The following PRDM16 variants were observed in gnomAD, a reference collection of about 807,000 sequenced individuals.
The protein encoded by PRDM16 is histone-lysine N-methyltransferase PRDM16.
In PRDM16, 23 loss-of-function variants were observed where a neutral mutation model predicts 110.6. The observed-to-expected ratio is 0.21, with a 90% CI of 0.15 to 0.29. PRDM16 has a LOEUF of 0.29. PRDM16 is among the 10% of genes least tolerant of loss of function. PRDM16 has a pLI of 1.00. For synonymous variants in PRDM16, 799 were observed against 781.8 expected, an observed-to-expected ratio of 1.02 and a Z score of -0.37; for missense variants, 1,615 against 1,794.3, an observed-to-expected ratio of 0.90 and a Z score of 1.81.
At chr1:3,293,072 C>T (rs759141683) in intron 3 of PRDM16, among the ~76,000 whole-genome samples, 1 of 152,244 alleles carries the variant, frequency 6.6e-6, no homozygotes, top group African/African-American at 2.4e-5. Flanking sequence ...ACAGGGACAT[C>T]GCCCATGAGG....
chr1:3,258,978 T>C (rs1008084274), intron 3 of PRDM16, among the ~76,000 whole-genome samples: 2 of 152,174 alleles, frequency 1.3e-5, no homozygotes, highest in African/African-American at 4.8e-5. Flanking sequence ...GGAGGACTTT[T>C]GAATAGATTT....
intron 3 of PRDM16, among the ~76,000 whole-genome samples, chr1:3,268,224 G>A (rs1640342879): frequency 6.6e-6 from 1 of 152,220 alleles, no homozygotes; most frequent in Admixed American, 6.5e-5. Flanking sequence ...GTCAGACCAG[G>A]TGCGCGTGGA....
chr1:3,225,999 T>G (rs555356840), intron 2 of PRDM16, among the ~76,000 whole-genome samples: 60 of 152,356 alleles, frequency 3.9e-4, no homozygotes, highest in African/African-American at 1.3e-3. Flanking sequence ...CAGATCATTG[T>G]GGTGGCCACT....
At position 3,403,068 on chromosome 1, in the gene PRDM16, G is replaced by A. The variant is rs4353034; in HGVS notation, c.884+70G>A. On this transcript the variant is annotated intron_variant, in intron 6 of 16. Coordinates refer to ENST00000270722, the MANE Select transcript of PRDM16 (RefSeq NM_022114.4). ...CTCTGAGTCTTCCTCCCCTTCCCGT[G>A]CCCTCCTCTGAGTCTTCCTCCCCTC... 323 of 677,102 alleles carry A rather than the reference G, an allele frequency of 4.8e-4. 8 individuals carry two copies. Among genetic ancestry groups the A allele is most frequent in the Admixed American group, 9.5e-4 (19 of 20,102 alleles). 41.9% of individuals were successfully genotyped at this position (677,102 alleles called of 1,614,324 possible). A position where few individuals can be genotyped will look rare whatever the true frequency, so the allele number is the denominator to read the frequency against.
intron 1 of PRDM16, among the ~76,000 whole-genome samples, chr1:3,115,775 T>G (rs1411691780): frequency 6.6e-6 from 1 of 152,192 alleles, no homozygotes; most frequent in Non-Finnish European, 1.5e-5. Context: ...ATCCTCGGGG[T>G]GCCCTCGGGC....
chr1:3,103,849 A>G (rs1260933918), intron 1 of PRDM16, among the ~76,000 whole-genome samples: 1 of 152,184 alleles, frequency 6.6e-6, no homozygotes, highest in East Asian at 1.9e-4. Flanking sequence ...GGCCCCAGGG[A>G]ATTTGCATAC....
At chr1:3,167,231 C>G (rs1340567512) in intron 1 of PRDM16, among the ~76,000 whole-genome samples, 1 of 152,130 alleles carries the variant, frequency 6.6e-6, no homozygotes, top group Non-Finnish European at 1.5e-5. Flanking sequence ...CCCTCCCAGG[C>G]CTTCAGCCTG....
rs556893529 is a variant in PRDM16, at chr1:3,382,262, C to T, written c.439-2890C>T. 2.0e-4 allele frequency among the ~76,000 whole-genome samples: 30 copies of T among 152,316 alleles called. No individual in the cohort carries two copies. Among genetic ancestry groups the T allele is most frequent in the African/African-American group, 7.2e-4 (30 of 41,568 alleles). On this transcript the variant is annotated intron_variant, in intron 3 of 16. Transcript: ENST00000270722. The surrounding 1 kb of genome is among the most constrained non-coding windows in gnomAD (Gnocchi z 6.6). Reference sequence around the variant, plus strand: ...TGGCCTCCTCCCTCCCATGCCACGCCCCTGCCACCCCTGTCCTGGCAAGAG... The same window carrying T: ...TGGCCTCCTCCCTCCCATGCCACGCTCCTGCCACCCCTGTCCTGGCAAGAG...
intron 1 of PRDM16, among the ~76,000 whole-genome samples, chr1:3,120,712 G>A (rs556365552): frequency 5.3e-5 from 8 of 152,304 alleles, no homozygotes; most frequent in East Asian, 1.9e-4. Context: ...GTGGATAGTC[G>A]GTGAGGAGAG....
At position 3,186,229 on chromosome 1, in the gene PRDM16, G is replaced by T; in HGVS notation, c.142G>T (p.Val48Leu). 4 of 1,612,586 alleles carry T rather than the reference G, an allele frequency of 2.5e-6. No homozygotes were observed. The highest frequency in any genetic ancestry group is 3.4e-6 in the Non-Finnish European group (4 of 1,179,838). Reference sequence around the variant, plus strand: ...GGACAGTGCCATGTCGCCCATCCCCGTGGGGCCACCGTCCCCCTTCCCCAC... The same window carrying T: ...GGACAGTGCCATGTCGCCCATCCCCTTGGGGCCACCGTCCCCCTTCCCCAC... ...AEDSAMSPIP[V>L]GPPSPFPTSE... Residue 48 changes from valine to leucine, a missense_variant, in exon 2 of 17, where the codon GTG (valine) becomes TTG (leucine). By Grantham distance (32) the Val-to-Leu change is conservative. Coordinates refer to ENST00000270722, the MANE Select transcript of PRDM16 (RefSeq NM_022114.4).
chr1:3,431,059 G>T lies in PRDM16; in HGVS notation c.3472G>T (p.Asp1158Tyr), dbSNP rs769456683. ...CCAGGCCGCCTACGAGGATGAGGAGGATGAGGAGCCAGCCGCCTCCCTGGC... is the reference window on the plus strand; with the variant it reads ...CCAGGCCGCCTACGAGGATGAGGAGTATGAGGAGCCAGCCGCCTCCCTGGC... ...EPQAAYEDEEDEEPAASLAVG... is the reference protein window; with the variant it reads ...EPQAAYEDEEYEEPAASLAVG... Residue 1158 changes from aspartate to tyrosine, a missense_variant, in exon 15 of 17, where the codon GAT (aspartate) becomes TAT (tyrosine). Around this residue, in one of 5 missense-constraint regions of PRDM16, gnomAD observed 327 missense variants for 359.3 expected, o/e 0.91. Coordinates refer to ENST00000270722, the MANE Select transcript of PRDM16 (RefSeq NM_022114.4). 5 of 1,556,406 alleles carry T rather than the reference G, an allele frequency of 3.2e-6. No homozygotes were observed. Among genetic ancestry groups the T allele is most frequent in the Non-Finnish European group, 4.3e-6 (5 of 1,150,266 alleles).
chr1:3,319,976 C>A (rs1641702396), intron 3 of PRDM16, among the ~76,000 whole-genome samples: 1 of 152,198 alleles, frequency 6.6e-6, no homozygotes, highest in Admixed American at 6.5e-5. Context: ...AGTCAGCCAG[C>A]CATTGGCTAC....
At chr1:3,274,111 G>A (rs1321288130) in intron 3 of PRDM16, among the ~76,000 whole-genome samples, 1 of 151,780 alleles carries the variant, frequency 6.6e-6, no homozygotes. Flanking sequence ...GGGAGGAAAA[G>A]ACGAATACAA....
At chr1:3,222,934 G>A (rs992468612) in intron 2 of PRDM16, among the ~76,000 whole-genome samples, 2 of 152,030 alleles carry the variant, frequency 1.3e-5, no homozygotes, top group African/African-American at 4.8e-5. Context: ...GTGGGTTGGG[G>A]AGCAAGACCA....
Position 3,353,052 on chromosome 1 carries a change from T to G in PRDM16, c.439-32100T>G, listed in dbSNP as rs1365310290. 6.6e-6 allele frequency among the ~76,000 whole-genome samples: 1 copy of G among 152,164 alleles called. No individual in the cohort carries two copies. Among genetic ancestry groups the G allele is most frequent in the Non-Finnish European group, 1.5e-5 (1 of 68,028 alleles). ...GCAGTGCCCTGAGGAGGACCAGGCC[T>G]GGGGCTCTGGAGCCAGAAGTCAGGA... On this transcript the variant is annotated intron_variant, in intron 3 of 16. Transcript: ENST00000270722. The surrounding 1 kb of genome is among the most constrained non-coding windows in gnomAD (Gnocchi z 5.4).
At chr1:3,115,781 C>T (rs990222621) in intron 1 of PRDM16, among the ~76,000 whole-genome samples, 2 of 152,346 alleles carry the variant, frequency 1.3e-5, no homozygotes, top group Middle Eastern at 3.4e-3. Flanking sequence ...GGGGTGCCCT[C>T]GGGCCGCTGG....
chr1:3,383,630 T>G (rs1643143911), intron 3 of PRDM16, among the ~76,000 whole-genome samples: 1 of 151,444 alleles, frequency 6.6e-6, no homozygotes. Flanking sequence ...CCCAGGAGAG[T>G]GCATGCCCAG....
chr1:3,433,499 GCCCGC>G (rs879337751), intron 16 of PRDM16, among the ~76,000 whole-genome samples, 173 bp from the exon 17 acceptor site: 49 of 145,750 alleles, frequency 3.4e-4, no homozygotes, highest in Non-Finnish European at 5.1e-4. Flanking sequence ...GTCTGGGATG[GCCCGC>G]CCTGCCCACG....
intron 3 of PRDM16, among the ~76,000 whole-genome samples, chr1:3,362,869 TC>T (rs1342093014): frequency 2.0e-5 from 3 of 152,044 alleles, no homozygotes; most frequent in African/African-American, 7.2e-5. Context: ...AGCACAGCCT[TC>T]CCTGTAGCAC....
Sources: gnomAD v4.1 joint callset for allele counts (sites outside exome capture counted in the v4.1 genomes callset) on GRCh38, gnomAD v4.1.1 for gene constraint, gnomAD v4.1.1 regional missense constraint, Gnocchi (gnomAD v3.1) non-coding constraint, MANE v1.5 for transcripts, NCBI Gene and HGNC (gene_info 2026-07-23, HGNC 2026-07-21) for gene names.